The following MIEF1 variants were observed in gnomAD, a reference collection of about 807,000 sequenced individuals.
The protein encoded by MIEF1 is mitochondrial dynamics protein MIEF1.
In MIEF1, 14 loss-of-function variants were observed where a neutral mutation model predicts 35.1. The observed-to-expected ratio is 0.40, with a 90% CI of 0.26 to 0.62. MIEF1 has a LOEUF of 0.62. MIEF1 is among the 20% of genes least tolerant of loss of function. The pLI, the probability that MIEF1 is intolerant of heterozygous loss-of-function variation, is 0.43. For missense variants in MIEF1, 542 were observed against 615.4 expected (o/e 0.88, Z 1.26); for synonymous variants, 245 against 254.3 (o/e 0.96, Z 0.35).
Position 39,513,857 on chromosome 22 carries a change from T to G in MIEF1, c.926T>G (p.Phe309Cys). The change falls in exon 6 of 6, where the codon TTC becomes TGC. Residue 309 changes from phenylalanine (F) to cysteine (C), a missense_variant. Coordinates refer to ENST00000325301, the MANE Select transcript of MIEF1 (RefSeq NM_019008.6). ...EVQYERDKHL[F>C]IDFLPSVTLG... ...CAGTATGAGCGTGACAAACATCTCT[T>G]CATTGACTTCCTGCCATCAGTGACC... 6.2e-7 allele frequency: 1 copy of G among 1,614,026 alleles called. No individual in the cohort carries two copies. The highest frequency in any genetic ancestry group is 8.5e-7 in the Non-Finnish European group (1 of 1,180,014).
intron 4 of MIEF1, 98 bp downstream of exon 4, chr22:39,512,124 G>C: frequency 2.6e-6 from 4 of 1,558,296 alleles, no homozygotes. Context: ...GCCAGGCACT[G>C]TGCCAGCACT....
rs192676365 is a variant in MIEF1 at position 39,515,647 on chromosome 22, T to C, written c.*1324T>C. ...GCCGCTGCTGAGATTGCAGTATTTA[T>C]TGCAATGTAAATGTATCCTGAAGGT... On this transcript the variant is annotated 3_prime_UTR_variant, in exon 6 of 6. Transcript: ENST00000325301. 2.3e-6 allele frequency: 1 copy of C among 434,670 alleles called. No individual in the cohort carries two copies. The highest frequency in any genetic ancestry group is 3.8e-5 in the East Asian group (1 of 26,206). The allele number at this position is 434,670 out of a possible 1,614,324, so 26.9% of individuals were successfully genotyped here. A position where few individuals can be genotyped will look rare whatever the true frequency, so the allele number is the denominator to read the frequency against.
At chr22:39,510,331 G>T (rs1930267591) in intron 2 of MIEF1, among the ~76,000 whole-genome samples, 1 of 152,076 alleles carries the variant, frequency 6.6e-6, no homozygotes, top group Non-Finnish European at 1.5e-5. Flanking sequence ...GCAGTGGCGT[G>T]ATCATAGCTC....
At chr22:39,503,954 T>G (rs567277911) in intron 1 of MIEF1, 1 of 327,626 alleles carries the variant, frequency 3.1e-6, no homozygotes, top group African/African-American at 2.1e-5. Context: ...GTTCAGTCCT[T>G]TGCCCAAAGT....
intron 2 of MIEF1, among the ~76,000 whole-genome samples, chr22:39,508,860 A>G (rs911971832): frequency 2.6e-5 from 4 of 152,196 alleles, no homozygotes; most frequent in African/African-American, 9.7e-5. Flanking sequence ...CAATTACTGG[A>G]ATAATAGAGT....
chr22:39,515,079 G>C lies in MIEF1; in HGVS notation c.*756G>C. 1.7e-6 allele frequency: 1 copy of C among 600,372 alleles called. No homozygotes were observed. The highest frequency in any genetic ancestry group is 3.0e-6 in the Non-Finnish European group (1 of 335,440). 37.2% of individuals were successfully genotyped at this position (600,372 alleles called of 1,614,324 possible). ...AAGTGCAGAGTAGGGAACCAGAGCT[G>C]GTTAAGGGCCTAGTGAAGGGTTTGT... is the stretch of plus-strand genomic sequence containing the variant. On this transcript the variant is annotated 3_prime_UTR_variant, in exon 6 of 6. Coordinates refer to ENST00000325301, the MANE Select transcript of MIEF1 (RefSeq NM_019008.6).
In MIEF1 at chr22:39,517,550, G is replaced by A. The variant is rs1318458504; in HGVS notation, c.*3227G>A. 1 of 471,036 alleles carries A rather than the reference G, an allele frequency of 2.1e-6. No individual in the cohort carries two copies. Among genetic ancestry groups the A allele is most frequent in the Non-Finnish European group, 4.4e-6 (1 of 227,060 alleles). The allele number at this position is 471,036 out of a possible 1,614,324, so 29.2% of individuals were successfully genotyped here. On this transcript the variant is annotated 3_prime_UTR_variant, in exon 6 of 6. Transcript: ENST00000325301. The stretch of plus-strand genomic sequence containing the variant: ...GATGGAAGGACCCAGGAGAGGCCCC[G>A]AGGTGGGAGGGTTCTGTAAATACAG...
intron 1 of MIEF1, chr22:39,503,693 C>T (rs559645089): frequency 1.3e-5 from 2 of 152,380 alleles, no homozygotes; most frequent in African/African-American, 4.8e-5. Flanking sequence ...CCTCACTTCA[C>T]AGATGAGGAA....
In MIEF1 at chr22:39,503,131, A is replaced by G. The variant is rs2145739460; in HGVS notation, c.-340+694A>G. The G allele has an allele frequency of 1.3e-5, 2 of 152,290 alleles. 1 individual carries two copies. Among genetic ancestry groups the G allele is most frequent in the South Asian group, 4.1e-4 (2 of 4,828 alleles). The allele number at this position is 152,290 out of a possible 1,614,324, so 9.4% of individuals were successfully genotyped here. ...CTGGGAAAGTTCGTGGAGCACCCAG[A>G]AGTGCTGTACACACGGTCCGGCTCC... On this transcript the variant is annotated intron_variant, in intron 1 of 5. Coordinates refer to ENST00000325301, the MANE Select transcript of MIEF1 (RefSeq NM_019008.6).
rs1490637421 is a variant in MIEF1 at position 39,502,316 on chromosome 22, C to T, written c.-461C>T. The stretch of plus-strand genomic sequence containing the variant: ...CTCGCCCTCGTGCTCCCTTCAGCCC[C>T]TTCGCAGCTCCGTGCGCAAGGTCGT... On this transcript the variant is annotated 5_prime_UTR_variant, in exon 1 of 6. Transcript: ENST00000325301. 1 of 152,302 alleles carries T rather than the reference C, an allele frequency of 6.6e-6. No homozygotes were observed. Among genetic ancestry groups the T allele is most frequent in the African/African-American group, 2.4e-5 (1 of 41,470 alleles). The allele number at this position is 152,302 out of a possible 1,614,324, so 9.4% of individuals were successfully genotyped here.
Position 39,514,001 on chromosome 22 carries a change from C to T in MIEF1, c.1070C>T (p.Ser357Leu), listed in dbSNP as rs779965865. 5.0e-5 allele frequency: 80 copies of T among 1,613,146 alleles called. No homozygotes were observed. Among genetic ancestry groups the T allele is most frequent in the African/African-American group, 1.3e-4 (10 of 74,938 alleles). ...ARLRALDQAD[S>L]GCRSLCLKIL... is the part of the protein sequence containing the mutation. ...CTGCGGGCTCTGGACCAGGCTGACT[C>T]GGGCTGCCGATCTCTGTGCCTCAAG... Residue 357 changes from serine (S) to leucine (L), a missense_variant, in exon 6 of 6, where the codon TCG (serine) becomes TTG (leucine). By Grantham distance (145) the Ser-to-Leu change is moderately radical (BLOSUM62 -2). Transcript: ENST00000325301.
intron 2 of MIEF1, among the ~76,000 whole-genome samples, chr22:39,507,376 G>C (rs1930079889): frequency 6.6e-6 from 1 of 151,854 alleles, no homozygotes; most frequent in Non-Finnish European, 1.5e-5. Flanking sequence ...CTCCCGAGTA[G>C]CTGGGACTAC....
In MIEF1 at chr22:39,515,880, C is replaced by T. The variant is rs1930642767; in HGVS notation, c.*1557C>T. The T allele has an allele frequency of 6.5e-6, 1 of 154,930 alleles. No individual in the cohort carries two copies. The highest frequency in any genetic ancestry group is 6.4e-5 in the Admixed American group (1 of 15,748). 9.6% of individuals were successfully genotyped at this position (154,930 alleles called of 1,614,324 possible). ...TCTCTGCAGCTGTCTCATTCCTTCC[C>T]AACGATAGTAACAGGAAATGACTCT... is the stretch of plus-strand genomic sequence containing the variant. On this transcript the variant is annotated 3_prime_UTR_variant, in exon 6 of 6. Coordinates refer to ENST00000325301, the MANE Select transcript of MIEF1 (RefSeq NM_019008.6).
In MIEF1 at chr22:39,517,776, G is replaced by GT. The variant is rs1930755305; in HGVS notation, c.*3454dup. 2.9e-6 allele frequency: 1 copy of GT among 346,882 alleles called. No homozygotes were observed. Among genetic ancestry groups the GT allele is most frequent in the African/African-American group, 2.2e-5 (1 of 46,306 alleles). 21.5% of individuals were successfully genotyped at this position (346,882 alleles called of 1,614,324 possible). A position where few individuals can be genotyped will look rare whatever the true frequency, so the allele number is the denominator to read the frequency against. ...GCAGCCCTTTTAGATGCCACTTACT[G>GT]TAAGTGGCCAGAATACCAGAGAGGT... is the stretch of plus-strand genomic sequence containing the variant. On this transcript the variant is annotated 3_prime_UTR_variant, in exon 6 of 6. Coordinates refer to ENST00000325301, the MANE Select transcript of MIEF1 (RefSeq NM_019008.6).
At chr22:39,512,596 T>C (rs1930411229) in intron 5 of MIEF1, 102 bp downstream of exon 5, 1 of 1,431,718 alleles carries the variant, frequency 7.0e-7, no homozygotes, top group South Asian at 1.4e-5. Flanking sequence ...ACTGAGGTCT[T>C]ACAGCTTCCG....
chr22:39,511,632 A>G lies in MIEF1; in HGVS notation c.144+194A>G, dbSNP rs2232087. On this transcript the variant is annotated intron_variant, in intron 3 of 5. Transcript: ENST00000325301. ...TAGAAAGAAACATACCAGATATTACAAACAGTTTTCTCTGGGTCATGACGT... is the reference window on the plus strand; with the variant it reads ...TAGAAAGAAACATACCAGATATTACGAACAGTTTTCTCTGGGTCATGACGT... 6.7e-3 allele frequency among the ~76,000 whole-genome samples: 1,014 copies of G among 152,394 alleles called. 46 individuals carry two copies. Among genetic ancestry groups the G allele is most frequent in the Admixed American group, 0.056 (860 of 15,308 alleles).
chr22:39,504,021 A>G (rs904715847), intron 1 of MIEF1, 182 bp from the exon 2 acceptor site: 6 of 384,540 alleles, frequency 1.6e-5, no homozygotes, highest in Non-Finnish European at 2.8e-5. Context: ...CACAACCTGT[A>G]TGTTTCCAGA....
chr22:39,511,945 C>G lies in MIEF1; in HGVS notation c.241C>G (p.Arg81Gly). Reference sequence around the variant, plus strand: ...AGAACCCAACTGGATGGGCTCCCCACGACTGCTGAACAGGGACATGAAGAC... The same window carrying G: ...AGAACCCAACTGGATGGGCTCCCCAGGACTGCTGAACAGGGACATGAAGAC... ...WEEPNWMGSP[R>G]LLNRDMKTGL... is the part of the protein sequence containing the mutation. Residue 81 changes from arginine (R) to glycine (G), a missense_variant, in exon 4 of 6, where the codon CGA becomes GGA. Physicochemically the swap from Arg to Gly is moderately radical, Grantham distance 125. Transcript: ENST00000325301. 6.2e-7 allele frequency: 1 copy of G among 1,614,222 alleles called. No individual in the cohort carries two copies.
rs148913714 is a variant in MIEF1, at chr22:39,512,772, G to A, written c.585+278G>A. On this transcript the variant is annotated intron_variant, in intron 5 of 5. Coordinates refer to ENST00000325301, the MANE Select transcript of MIEF1 (RefSeq NM_019008.6). The stretch of plus-strand genomic sequence containing the variant: ...AGCGATTCTCCTGCCTCAGCCTTCC[G>A]AGTAGCTGGGATTACAGGTGTGTGC... Among the ~76,000 whole-genome samples, 909 of 151,990 alleles carry A rather than the reference G, an allele frequency of 6.0e-3. 13 individuals are homozygous for A. The highest frequency in any genetic ancestry group is 0.02 in the African/African-American group (846 of 41,440).
Sources: gnomAD v4.1 joint callset for allele counts (sites outside exome capture counted in the v4.1 genomes callset) on GRCh38, gnomAD v4.1.1 for gene constraint, MANE v1.5 for transcripts, NCBI Gene and HGNC (gene_info 2026-07-23, HGNC 2026-07-21) for gene names.